RAP1A: variants seen among roughly 807,000 people sequenced by gnomAD.
The protein encoded by RAP1A is ras-related protein Rap-1A.
Under a neutral mutation model 26.4 loss-of-function variants are expected in RAP1A, and 6 were observed. The observed-to-expected ratio is 0.23, with a 90% CI of 0.12 to 0.45. The LOEUF (loss-of-function observed/expected upper bound fraction) is 0.45, where lower values mean the gene tolerates loss of function less well. Ranked by LOEUF, RAP1A falls within the 20% of genes least tolerant of loss-of-function variation. The pLI is 0.99. For synonymous variants in RAP1A, 73 were observed against 79.4 expected (o/e 0.92, Z 0.43); for missense variants, 121 against 217.2 (o/e 0.56, Z 2.78).
At chr1:111,549,391 G>T (rs1255980897) in intron 1 of RAP1A, among the ~76,000 whole-genome samples, 1 of 146,128 alleles carries the variant, frequency 6.8e-6, no homozygotes. Flanking sequence ...GCTCACGCTT[G>T]TAATCCCAGC....
At chr1:111,548,626 T>A (rs959402236) in intron 1 of RAP1A, among the ~76,000 whole-genome samples, 3 of 152,222 alleles carry the variant, frequency 2.0e-5, no homozygotes, top group East Asian at 1.9e-4. Flanking sequence ...TAATCGTTGA[T>A]CCTCTTCAAT....
intron 1 of RAP1A, among the ~76,000 whole-genome samples, chr1:111,603,268 C>T (rs990903183): frequency 7.2e-5 from 11 of 152,202 alleles, no homozygotes; most frequent in African/African-American, 2.4e-4. Flanking sequence ...GGAACGCCAC[C>T]GATCTGGTCC....
At chr1:111,695,579 G>A (rs1471229414) in intron 3 of RAP1A, among the ~76,000 whole-genome samples, 170 bp downstream of exon 3, 1 of 152,144 alleles carries the variant, frequency 6.6e-6, no homozygotes, top group Non-Finnish European at 1.5e-5. Context: ...ATACTACTTT[G>A]ATATTCAGAG....
intron 1 of RAP1A, among the ~76,000 whole-genome samples, chr1:111,559,898 C>T (rs2101045842): frequency 6.6e-6 from 1 of 152,206 alleles, no homozygotes; most frequent in African/African-American, 2.4e-5. Context: ...CTCATGTATG[C>T]CTTGTATTTC....
intron 1 of RAP1A, among the ~76,000 whole-genome samples, chr1:111,657,754 T>C (rs1368636713): frequency 6.6e-6 from 1 of 152,220 alleles, no homozygotes; most frequent in Non-Finnish European, 1.5e-5. Context: ...CAAAAATCAT[T>C]TGACCATATA....
exon 1 of RAP1A, chr1:111,542,441 A>C (rs745453873): frequency 3.6e-5 from 8 of 220,762 alleles, no homozygotes; most frequent in Non-Finnish European, 2.8e-5. Context: ...CTCCGCCCTT[A>C]AGAGAGCAAG....
At chr1:111,586,178 A>C (rs1244696401) in intron 1 of RAP1A, among the ~76,000 whole-genome samples, 1 of 152,234 alleles carries the variant, frequency 6.6e-6, no homozygotes, top group African/African-American at 2.4e-5. Context: ...CCTTCTACAA[A>C]TACGGGAATC....
chr1:111,620,448 A>G (rs1430693954), intron 1 of RAP1A, among the ~76,000 whole-genome samples: 3 of 144,370 alleles, frequency 2.1e-5, no homozygotes, highest in Non-Finnish European at 3.0e-5. Context: ...GGCGGGGGGG[A>G]GGGACACACG....
intron 1 of RAP1A, chr1:111,604,220 A>G (rs1475709472): frequency 6.6e-6 from 1 of 152,252 alleles, no homozygotes; most frequent in Non-Finnish European, 1.5e-5. Context: ...AGTGCTCCAC[A>G]GTGAAGCTGC....
intron 1 of RAP1A, among the ~76,000 whole-genome samples, chr1:111,674,289 C>CTTTTT (rs72052378): frequency 6.8e-6 from 1 of 146,928 alleles, no homozygotes; most frequent in Non-Finnish European, 1.5e-5. Flanking sequence ...ATGGACATCA[C>CTTTTT]TTTTTTTTTT....
At chr1:111,574,796 G>A (rs1163270300) in intron 1 of RAP1A, among the ~76,000 whole-genome samples, 2 of 152,194 alleles carry the variant, frequency 1.3e-5, no homozygotes, top group African/African-American at 4.8e-5. Context: ...ATAGGTTTTT[G>A]GGAAGCCAAA....
intron 6 of RAP1A, among the ~76,000 whole-genome samples, chr1:111,705,295 G>A (rs1307473296): frequency 1.3e-5 from 2 of 152,174 alleles, no homozygotes; most frequent in African/African-American, 4.8e-5. Context: ...AGCATTACAG[G>A]TAATCAGTCA....
At chr1:111,587,227 A>G (rs1168660577) in intron 1 of RAP1A, among the ~76,000 whole-genome samples, 1 of 152,136 alleles carries the variant, frequency 6.6e-6, no homozygotes, top group Non-Finnish European at 1.5e-5. Context: ...GCTGCTGCTA[A>G]CCTGTTCCTT....
intron 1 of RAP1A, among the ~76,000 whole-genome samples, chr1:111,644,208 G>A (rs1276851952): frequency 6.6e-6 from 1 of 152,138 alleles, no homozygotes; most frequent in African/African-American, 2.4e-5. Flanking sequence ...CCAATAAAAG[G>A]AAGAACAAAT....
At chr1:111,655,049 C>T (rs1660405891) in intron 1 of RAP1A, among the ~76,000 whole-genome samples, 1 of 151,410 alleles carries the variant, frequency 6.6e-6, no homozygotes, top group Non-Finnish European at 1.5e-5. Context: ...TAAATGTGGG[C>T]CAGACCATAG....
rs1659759966 is a variant in RAP1A, at chr1:111,637,458, C to A, written c.-28+17524C>A. Among the ~76,000 whole-genome samples the A allele has an allele frequency of 2.0e-5, 3 of 152,268 alleles. No homozygotes were observed. In the South Asian group the frequency reaches 6.2e-4, roughly 32 times the overall value. On this transcript the variant is annotated intron_variant, in intron 1 of 7. Transcript: ENST00000369709. Reference sequence around the variant, plus strand: ...TGTATGTATATCTGTGTTTTATGCACTAAAAGAATAAGAATTATTTTTTTG... The same window carrying A: ...TGTATGTATATCTGTGTTTTATGCAATAAAAGAATAAGAATTATTTTTTTG...
At chr1:111,660,668 G>A (rs1660604766) in intron 1 of RAP1A, among the ~76,000 whole-genome samples, 2 of 152,158 alleles carry the variant, frequency 1.3e-5, no homozygotes, top group South Asian at 4.1e-4. Context: ...AAAAATTTCA[G>A]TGGAAACTTG....
intron 1 of RAP1A, among the ~76,000 whole-genome samples, chr1:111,545,848 G>A (rs1657015360): frequency 6.6e-6 from 1 of 152,072 alleles, no homozygotes; most frequent in Non-Finnish European, 1.5e-5. Flanking sequence ...TAGATATTCA[G>A]TTGTCCCAGC....
rs1662470844 is a variant in RAP1A, at chr1:111,714,282, TC to T, written c.*1882del. 2 of 152,282 alleles carry T rather than the reference TC, an allele frequency of 1.3e-5. No individual in the cohort carries two copies. Among genetic ancestry groups the T allele is most frequent in the South Asian group, 4.1e-4 (2 of 4,820 alleles). The allele number at this position is 152,282 out of a possible 1,614,324, so 9.4% of individuals were successfully genotyped here. The stretch of plus-strand genomic sequence containing the variant: ...TGAAGTATTAGGGCCAGTTGTCAGG[TC>T]AGGGTGGCATCTTTTATTTTAAGGT... On this transcript the variant is annotated 3_prime_UTR_variant, in exon 8 of 8. Transcript: ENST00000369709.
Sources: gnomAD v4.1 joint callset for allele counts (sites outside exome capture counted in the v4.1 genomes callset) on GRCh38, gnomAD v4.1.1 for gene constraint, MANE v1.5 for transcripts, NCBI Gene and HGNC (gene_info 2026-07-23, HGNC 2026-07-21) for gene names.